The following APOL1 variants were observed in gnomAD, a reference collection of about 807,000 sequenced individuals.
APOL1 encodes apolipoprotein L1.
APOL1 carries 17 observed loss-of-function variants against 14.9 expected under a neutral mutation model. The ratio of observed to expected loss-of-function variants is 1.14; its 90% CI spans 0.78 to 1.71. The LOEUF (loss-of-function observed/expected upper bound fraction) is 1.71. Ranked by LOEUF, APOL1 falls within the 40% of genes most tolerant of loss-of-function variation. The pLI, the probability that APOL1 is intolerant of heterozygous loss-of-function variation, is 0.00. For synonymous variants in APOL1, 195 were observed against 184.8 expected, an observed-to-expected ratio of 1.05 and a Z score of -0.45; for missense variants, 523 against 485.9, an observed-to-expected ratio of 1.08 and a Z score of -0.72.
chr22:36,263,729 C>T (rs890930922), intron 5 of APOL1, among the ~76,000 whole-genome samples: 1 of 152,172 alleles, frequency 6.6e-6, no homozygotes, highest in Non-Finnish European at 1.5e-5. Context: ...AGAAATGAAG[C>T]CTTTTTTCAG....
Position 36,257,339 on chromosome 22 carries a change from G to C in APOL1, c.119G>C (p.Ser40Thr). The C allele has an allele frequency of 6.2e-7, 1 of 1,614,184 alleles. No individual in the cohort carries two copies. The highest frequency in any genetic ancestry group is 1.1e-5 in the South Asian group (1 of 91,084). The change falls in exon 4 of 6, where the codon AGT becomes ACT. Residue 40 changes from serine to threonine, a missense_variant. Transcript: ENST00000397278. ...TCAAGGGTGCAACAAAACGTTCCAA[G>C]TGGGACAGATACTGGAGATCCTCAA... ...AGARVQQNVPSGTDTGDPQSK... is the reference protein window; with the variant it reads ...AGARVQQNVPTGTDTGDPQSK...
At chr22:36,259,881 T>G (rs1305522019) in intron 4 of APOL1, 1 of 1,302,508 alleles carries the variant, frequency 7.7e-7, no homozygotes, top group Non-Finnish European at 1.0e-6. Context: ...TGCTGTGGAG[T>G]TTGAGACATT....
intron 5 of APOL1, 135 bp from the exon 6 acceptor site, chr22:36,265,016 T>C: frequency 1.7e-6 from 2 of 1,162,418 alleles, no homozygotes; most frequent in Non-Finnish European, 2.4e-6. Flanking sequence ...TTTCACCGTA[T>C]TAGTCAGGAT....
chr22:36,254,016 G>A (rs748044258), intron 1 of APOL1: 2 of 1,613,188 alleles, frequency 1.2e-6, no homozygotes, highest in Admixed American at 3.3e-5. Context: ...AGGAGTGAGA[G>A]CTTAGATCTC....
intron 2 of APOL1, 62 bp downstream of exon 2, chr22:36,255,061 G>T: frequency 6.4e-7 from 1 of 1,568,234 alleles, no homozygotes; most frequent in South Asian, 1.1e-5. Context: ...TGCACAATTG[G>T]ACTGGGCTTG....
In APOL1 at chr22:36,265,144, T is replaced by G; in HGVS notation, c.315-7T>G. ...ATTTCTTAATCCTTTAACCTTTCCTTGTGCAGGAATGAGGCAGATGAGCTC... is the reference window on the plus strand; with the variant it reads ...ATTTCTTAATCCTTTAACCTTTCCTGGTGCAGGAATGAGGCAGATGAGCTC... On this transcript the variant is annotated splice_region_variant and splice_polypyrimidine_tract_variant and intron_variant, in intron 5 of 5. Coordinates refer to ENST00000397278, the MANE Select transcript of APOL1 (RefSeq NM_003661.4). 1 of 1,613,612 alleles carries G rather than the reference T, an allele frequency of 6.2e-7. No homozygotes were observed. The highest frequency in any genetic ancestry group is 8.5e-7 in the Non-Finnish European group (1 of 1,179,874).
rs1603482280 is a variant in APOL1 at position 36,266,282 on chromosome 22, G to A, written c.*249G>A. 4.4e-6 allele frequency: 2 copies of A among 457,052 alleles called. No homozygotes were observed. The highest frequency in any genetic ancestry group is 7.1e-5 in the East Asian group (2 of 28,304). 28.3% of individuals were successfully genotyped at this position (457,052 alleles called of 1,614,324 possible). A position where few individuals can be genotyped will look rare whatever the true frequency, so the allele number is the denominator to read the frequency against. On this transcript the variant is annotated 3_prime_UTR_variant, in exon 6 of 6. Transcript: ENST00000397278. ...ATTTTTGTATTTTTAATAGAGATGGGGTTTCACCATGTTGGCCAGGATGGT... is the reference window on the plus strand; with the variant it reads ...ATTTTTGTATTTTTAATAGAGATGGAGTTTCACCATGTTGGCCAGGATGGT...
intron 4 of APOL1, chr22:36,259,961 A>G: frequency 8.2e-7 from 1 of 1,222,044 alleles, no homozygotes; most frequent in Non-Finnish European, 1.1e-6. Flanking sequence ...GCATTTTCAA[A>G]ACATAAGGAG....
Position 36,265,409 on chromosome 22 carries a change from C to A in APOL1, c.573C>A (p.Leu191=), listed in dbSNP as rs150846072. The A allele has an allele frequency of 6.2e-7, 1 of 1,613,798 alleles. No individual in the cohort carries two copies. Among genetic ancestry groups the A allele is most frequent in the African/African-American group, 1.3e-5 (1 of 75,016 alleles). Reference sequence around the variant, plus strand: ...GCATTTCCTCTGGCATCCTGACCCTCGTCGGCATGGGTCTGGCACCCTTCA... The same window carrying A: ...GCATTTCCTCTGGCATCCTGACCCTAGTCGGCATGGGTCTGGCACCCTTCA... The part of the protein sequence containing the change: ...SLSISSGILT[L]VGMGLAPFTE... Residue 191 remains leucine (L), a synonymous_variant, in exon 6 of 6, where the codon CTC becomes CTA. Transcript: ENST00000397278.
intron 5 of APOL1, among the ~76,000 whole-genome samples, chr22:36,264,191 A>G (rs933473548): frequency 2.0e-5 from 3 of 152,164 alleles, no homozygotes; most frequent in African/African-American, 7.2e-5. Context: ...GCTGGATCAC[A>G]AGCTGCCCTC....
chr22:36,256,648 G>A (rs2015890726), intron 2 of APOL1, among the ~76,000 whole-genome samples: 2 of 152,244 alleles, frequency 1.3e-5, no homozygotes, highest in Admixed American at 1.3e-4. Context: ...TGAGCACAGA[G>A]TGTGAGACAA....
At chr22:36,257,820 C>T (rs2015940611) in intron 4 of APOL1, among the ~76,000 whole-genome samples, 2 of 152,184 alleles carry the variant, frequency 1.3e-5, no homozygotes, top group African/African-American at 2.4e-5. Context: ...GGGGTGTTTC[C>T]ACCTGAGGCT....
chr22:36,266,664 G>C lies in APOL1; in HGVS notation c.*631G>C, dbSNP rs1027292572. On this transcript the variant is annotated 3_prime_UTR_variant, in exon 6 of 6. Transcript: ENST00000397278. ...CTCATGCCTGTAATCCGAGCACTTT[G>C]GGAGGCCAAGGCGGGCGGATCACGA... 5.2e-6 allele frequency: 2 copies of C among 386,344 alleles called. No individual in the cohort carries two copies. The highest frequency in any genetic ancestry group is 4.1e-5 in the African/African-American group (2 of 48,314). The allele number at this position is 386,344 out of a possible 1,614,324, so 23.9% of individuals were successfully genotyped here.
chr22:36,259,539 C>T lies in APOL1; in HGVS notation c.188-2057C>T, dbSNP rs372860278. ...GGGCTGTGCTGAGTCCTGTCCAAGA[C>T]GAGGGGAGGGCAGGGAAGATTAGAA... On this transcript the variant is annotated intron_variant, in intron 4 of 5. Transcript: ENST00000397278. The T allele has an allele frequency of 6.1e-4, 718 of 1,184,600 alleles. 1 individual carries two copies. In the African/African-American group the frequency reaches 8.8e-3, roughly 14 times the overall value. 73.4% of individuals were successfully genotyped at this position (1,184,600 alleles called of 1,614,324 possible). A position where few individuals can be genotyped will look rare whatever the true frequency, so the allele number is the denominator to read the frequency against.
chr22:36,256,845 G>T (rs1335064583), intron 2 of APOL1, among the ~76,000 whole-genome samples: 5 of 152,206 alleles, frequency 3.3e-5, no homozygotes, highest in African/African-American at 4.8e-5. Context: ...ATGGGAAAGT[G>T]GTACCCATCT....
intron 4 of APOL1, among the ~76,000 whole-genome samples, chr22:36,261,384 A>C (rs2016066129): frequency 6.6e-6 from 1 of 152,158 alleles, no homozygotes; most frequent in Non-Finnish European, 1.5e-5. Context: ...GCTTCCTTAA[A>C]GGCCAGATCT....
chr22:36,257,905 G>T (rs1457337154), intron 4 of APOL1, among the ~76,000 whole-genome samples: 1 of 152,190 alleles, frequency 6.6e-6, no homozygotes, highest in Non-Finnish European at 1.5e-5. Flanking sequence ...TATCGGGCCT[G>T]ATTCAGCTTC....
intron 5 of APOL1, among the ~76,000 whole-genome samples, chr22:36,264,094 G>A (rs2016157255): frequency 1.3e-5 from 2 of 152,192 alleles, no homozygotes; most frequent in African/African-American, 4.8e-5. Context: ...TAGTGGAGAA[G>A]AGGCTCAGAA....
rs1005879934 is a variant in APOL1, at chr22:36,253,215, C to T, written c.-24C>T. The stretch of plus-strand genomic sequence containing the variant: ...GCTCAGTCTCTGCCAGGGGAAGATT[C>T]CTTGGTAAGTTGGGGACAGTTGACC... On this transcript the variant is annotated 5_prime_UTR_variant, in exon 1 of 6. Coordinates refer to ENST00000397278, the MANE Select transcript of APOL1 (RefSeq NM_003661.4). 1.1e-5 allele frequency: 5 copies of T among 469,648 alleles called. No individual in the cohort carries two copies. 29.1% of individuals were successfully genotyped at this position (469,648 alleles called of 1,614,324 possible). A position where few individuals can be genotyped will look rare whatever the true frequency, so the allele number is the denominator to read the frequency against.
Sources: allele counts gnomAD v4.1 joint callset (sites outside exome capture counted in the v4.1 genomes callset), GRCh38; gene constraint gnomAD v4.1.1; transcripts MANE v1.5; gene names NCBI Gene and HGNC (gene_info 2026-07-23, HGNC 2026-07-21).